KMT2C: variants seen among roughly 807,000 people sequenced by gnomAD.
KMT2C encodes the protein histone-lysine N-methyltransferase 2C.
Under a neutral mutation model 507.9 loss-of-function variants are expected in KMT2C, and 88 were observed. The observed-to-expected ratio is 0.17, with a 90% CI of 0.15 to 0.21. The LOEUF is 0.21. KMT2C is among the 10% of genes least tolerant of loss of function. KMT2C has a pLI of 1.00. For missense variants in KMT2C, 4,954 were observed against 5,957.8 expected (o/e 0.83, Z 5.55); for synonymous variants, 2,049 against 2,080.8 (o/e 0.98, Z 0.42).
rs760717730 is a variant in KMT2C, at chr7:152,238,810, T to C, written c.2549A>G (p.His850Arg). 9 of 1,606,324 alleles carry C rather than the reference T, an allele frequency of 5.6e-6. No individual in the cohort carries two copies. The South Asian group carries it at 6.7e-5, about 12-fold the overall frequency. Residue 850 changes from histidine to arginine, a missense_variant, in exon 15 of 59, where the codon CAT becomes CGT. Physicochemically the swap from His to Arg is conservative, Grantham distance 29. This residue lies in a region of KMT2C where 62 missense variants were observed against 137.2 expected (regional missense o/e 0.45). Transcript: ENST00000262189. ...CCAGGAAGGTGGGCTCACTGTATTA[T>C]GGGTACTCCAAGCCCCCTAGGATAT... is the stretch of plus-strand genomic sequence containing the variant. ...PRSKQGAWST[H>R]NTVSPPSWSP...
intron 1 of KMT2C, among the ~76,000 whole-genome samples, chr7:152,375,811 G>A (rs923686925): frequency 4.6e-5 from 7 of 151,960 alleles, no homozygotes; most frequent in African/African-American, 1.7e-4. Context: ...AGTGATCTAC[G>A]ATCAGTGATA....
intron 1 of KMT2C, among the ~76,000 whole-genome samples, chr7:152,392,479 A>G (rs2097506635): frequency 6.6e-6 from 1 of 152,180 alleles, no homozygotes; most frequent in Non-Finnish European, 1.5e-5. Flanking sequence ...AACAACTCTT[A>G]ATCAAAAGTA....
intron 25 of KMT2C, among the ~76,000 whole-genome samples, chr7:152,203,265 T>C (rs2094199577): frequency 6.6e-6 from 1 of 152,088 alleles, no homozygotes; most frequent in Non-Finnish European, 1.5e-5. Flanking sequence ...ATTAGCATTT[T>C]TCCTATTTTC....
intron 1 of KMT2C, among the ~76,000 whole-genome samples, chr7:152,390,812 T>G (rs2097487182): frequency 6.6e-6 from 1 of 152,124 alleles, no homozygotes; most frequent in Non-Finnish European, 1.5e-5. Context: ...ATGTATAAGA[T>G]AGAGCCATGA....
intron 51 of KMT2C, among the ~76,000 whole-genome samples, chr7:152,149,656 G>C (rs1386210165): frequency 6.6e-6 from 1 of 152,212 alleles, no homozygotes. Flanking sequence ...GTTACAGAAA[G>C]GGAAGGAGCC....
rs141775284 is a variant in KMT2C, at chr7:152,269,046, CTCAAA to C, written c.1013-3842_1013-3838del. Among the ~76,000 whole-genome samples the C allele has an allele frequency of 8.2e-3, 1,243 of 152,260 alleles. 19 individuals carry two copies. Among genetic ancestry groups the C allele is most frequent in the African/African-American group, 0.029 (1,199 of 41,548 alleles). On this transcript the variant is annotated intron_variant, in intron 7 of 58. Coordinates refer to ENST00000262189, the MANE Select transcript of KMT2C (RefSeq NM_170606.3). ...CAATTATTCCCAATGTTTCCTTTTACTCAAATTTTTAACATACCCACTAGAAAAAT... is the reference window on the plus strand; with the variant it reads ...CAATTATTCCCAATGTTTCCTTTTACTTTTTAACATACCCACTAGAAAAAT...
chr7:152,354,367 C>A (rs2097136576), intron 2 of KMT2C, among the ~76,000 whole-genome samples: 1 of 152,200 alleles, frequency 6.6e-6, no homozygotes, highest in Non-Finnish European at 1.5e-5. Context: ...TACTGCTTCA[C>A]TTAGTGAATC....
chr7:152,138,918 T>C lies in KMT2C; in HGVS notation c.14535-14A>G, dbSNP rs1037489064. On this transcript the variant is annotated splice_polypyrimidine_tract_variant and intron_variant, in intron 57 of 58. Transcript: ENST00000262189. This position sits in a 1 kb window ranked among gnomAD's most constrained non-coding sequence, Gnocchi z 4.2. Reference sequence around the variant, plus strand: ...TGGTTGATATACCTGCAAGCCACCATGTCAGAAAACTGTATTGTAAAACAG... The same window carrying C: ...TGGTTGATATACCTGCAAGCCACCACGTCAGAAAACTGTATTGTAAAACAG... The C allele has an allele frequency of 4.4e-6, 7 of 1,590,808 alleles. No homozygotes were observed. In the South Asian group the frequency reaches 4.4e-5, roughly 10 times the overall value.
At chr7:152,424,711 C>A (rs145958233) in intron 1 of KMT2C, among the ~76,000 whole-genome samples, 284 of 152,242 alleles carry the variant, frequency 1.9e-3, no homozygotes, top group Middle Eastern at 3.4e-3. Flanking sequence ...CAGTCATAAG[C>A]CCCCACGCCG....
At chr7:152,214,167 T>TAA (rs200335502) in intron 23 of KMT2C, among the ~76,000 whole-genome samples, 4,297 of 143,124 alleles carry the variant, frequency 0.03, 215 homozygotes, top group African/African-American at 0.1. Context: ...AGAGTTTCCT[T>TAA]AAAAAAAAAA....
intron 7 of KMT2C, among the ~76,000 whole-genome samples, chr7:152,267,953 A>G (rs1179443557): frequency 2.6e-5 from 4 of 152,020 alleles, no homozygotes; most frequent in African/African-American, 9.7e-5. Context: ...TCTGCTTGAA[A>G]TTTTGTTTTT....
At chr7:152,346,720 C>T (rs1441641979) in intron 2 of KMT2C, among the ~76,000 whole-genome samples, 1 of 152,182 alleles carries the variant, frequency 6.6e-6, no homozygotes, top group East Asian at 1.9e-4. Context: ...TAATAGCCTA[C>T]TGTTGACAGG....
intron 42 of KMT2C, among the ~76,000 whole-genome samples, chr7:152,165,598 T>C (rs1430692425): frequency 6.6e-6 from 1 of 152,250 alleles, no homozygotes; most frequent in Non-Finnish European, 1.5e-5. Context: ...GTGGTAGCTG[T>C]GGTTTGAAGA....
At position 152,248,383 on chromosome 7, in the gene KMT2C, G is replaced by T. The variant is rs749007299; in HGVS notation, c.2051C>A (p.Pro684His). Residue 684 changes from proline to histidine, a missense_variant, in exon 14 of 59, where the codon CCT (proline) becomes CAT (histidine). By Grantham distance (77) the Pro-to-His change is moderately conservative (BLOSUM62 -2). Coordinates refer to ENST00000262189, the MANE Select transcript of KMT2C (RefSeq NM_170606.3). ...ETVVSREESR[P>H]PKLVMESVTL... ...GACAGATTCCATGACTAATTTTGGAGGCCTTGATTCTTCTCTGGATACCAC... is the reference window on the plus strand; with the variant it reads ...GACAGATTCCATGACTAATTTTGGATGCCTTGATTCTTCTCTGGATACCAC... 5 of 1,614,038 alleles carry T rather than the reference G, an allele frequency of 3.1e-6. No homozygotes were observed. The South Asian group carries it at 5.5e-5, about 18-fold the overall frequency.
Position 152,138,982 on chromosome 7 carries a change from G to C in KMT2C, c.14535-78C>G. On this transcript the variant is annotated intron_variant, in intron 57 of 58. Transcript: ENST00000262189. This position sits in a 1 kb window ranked among gnomAD's most constrained non-coding sequence, Gnocchi z 4.2. ...TAAAAACTTCCCATTTATTGATAAA[G>C]CAGTTTTTGCTAATTAAATTTCTAT... 3.4e-6 allele frequency: 4 copies of C among 1,165,636 alleles called. No homozygotes were observed. The highest frequency in any genetic ancestry group is 2.6e-6 in the Non-Finnish European group (2 of 780,002). 72.2% of individuals were successfully genotyped at this position (1,165,636 alleles called of 1,614,324 possible).
intron 2 of KMT2C, among the ~76,000 whole-genome samples, chr7:152,338,522 TAGA>T (rs2096959410): frequency 6.6e-6 from 1 of 152,192 alleles, no homozygotes; most frequent in Non-Finnish European, 1.5e-5. Context: ...AGAAAGGTAT[TAGA>T]AGCCCAGCTA....
At chr7:152,299,304 G>A (rs1225015130) in intron 6 of KMT2C, among the ~76,000 whole-genome samples, 20 of 148,298 alleles carry the variant, frequency 1.3e-4, no homozygotes, top group Non-Finnish European at 2.2e-4. Context: ...GCAACAGAGC[G>A]AGACTCTATC....
intron 1 of KMT2C, among the ~76,000 whole-genome samples, chr7:152,372,026 T>C (rs576557379): frequency 1.4e-4 from 21 of 151,964 alleles, no homozygotes; most frequent in African/African-American, 4.8e-4. Flanking sequence ...GGAAGACGGC[T>C]AGAGAGGAAG....
chr7:152,434,127 C>T (rs1390124338), intron 1 of KMT2C, among the ~76,000 whole-genome samples: 1 of 152,232 alleles, frequency 6.6e-6, no homozygotes, highest in East Asian at 1.9e-4. Flanking sequence ...CTTAAACCTC[C>T]ACTTCCTTCT....
Sources: allele counts gnomAD v4.1 joint callset (sites outside exome capture counted in the v4.1 genomes callset), GRCh38; gene constraint gnomAD v4.1.1; regional missense constraint gnomAD v4.1.1; non-coding constraint Gnocchi (gnomAD v3.1); transcripts MANE v1.5; gene names NCBI Gene and HGNC (gene_info 2026-07-23, HGNC 2026-07-21).